Variants in CADM1 observed in about 807,000 individuals in gnomAD.
The protein encoded by CADM1 is TSLC-1.
CADM1 carries 15 observed loss-of-function variants against 53.1 expected under a neutral mutation model. The observed-to-expected ratio is 0.28, with a 90% confidence interval of 0.19 to 0.44. The LOEUF is 0.44. CADM1 is among the 20% of genes least tolerant of loss of function. The pLI, the probability that CADM1 is intolerant of heterozygous loss-of-function variation, is 1.00. For missense variants in CADM1, 434 were observed against 611.3 expected, an observed-to-expected ratio of 0.71 and a Z score of 3.06; for synonymous variants, 281 against 243.0, an observed-to-expected ratio of 1.16 and a Z score of -1.45.
At chr11:115,303,520 G>A (rs1159090167) in intron 1 of CADM1, among the ~76,000 whole-genome samples, 1 of 151,964 alleles carries the variant, frequency 6.6e-6, no homozygotes, top group Non-Finnish European at 1.5e-5. Context: ...TATAGTGTTT[G>A]TTCACATACT....
At chr11:115,404,767 G>A (rs940068573) in intron 1 of CADM1, among the ~76,000 whole-genome samples, 6 of 150,478 alleles carry the variant, frequency 4.0e-5, no homozygotes, top group Non-Finnish European at 8.9e-5. Context: ...CTGAGTTGCG[G>A]GGATCACTTG....
intron 1 of CADM1, among the ~76,000 whole-genome samples, chr11:115,478,353 T>C (rs1361032235): frequency 6.6e-6 from 1 of 152,002 alleles, no homozygotes; most frequent in Non-Finnish European, 1.5e-5. Flanking sequence ...AGAAAATAAC[T>C]GAAAATGTGA....
At chr11:115,336,525 T>C (rs1487828216) in intron 1 of CADM1, among the ~76,000 whole-genome samples, 2 of 152,158 alleles carry the variant, frequency 1.3e-5, no homozygotes, top group Non-Finnish European at 2.9e-5. Context: ...ACTAAAACAC[T>C]TGGTTAATGA....
intron 1 of CADM1, among the ~76,000 whole-genome samples, chr11:115,493,462 G>A (rs773331853): frequency 1.3e-5 from 2 of 152,072 alleles, no homozygotes; most frequent in Non-Finnish European, 2.9e-5. Flanking sequence ...GGCCATTAGA[G>A]AACAAGATCT....
At chr11:115,267,049 T>G (rs1055325777) in intron 1 of CADM1, among the ~76,000 whole-genome samples, 1 of 152,234 alleles carries the variant, frequency 6.6e-6, no homozygotes, top group African/African-American at 2.4e-5. Flanking sequence ...ACTGCAGCAA[T>G]CTTGTTAGGG....
intron 1 of CADM1, among the ~76,000 whole-genome samples, chr11:115,249,510 C>T (rs1009996741): frequency 5.3e-5 from 8 of 152,352 alleles, no homozygotes; most frequent in African/African-American, 1.9e-4. Context: ...CAATATAGAA[C>T]TATCTACATT....
At chr11:115,282,856 T>C (rs1318973070) in intron 1 of CADM1, among the ~76,000 whole-genome samples, 11 of 152,160 alleles carry the variant, frequency 7.2e-5, no homozygotes, top group Non-Finnish European at 1.6e-4. Context: ...TATATTAAAA[T>C]GGAAACGAAA....
In CADM1 at chr11:115,220,571, G is replaced by A. The variant is rs139673751; in HGVS notation, c.722-2580C>T. On this transcript the variant is annotated intron_variant, in intron 5 of 11. Coordinates refer to ENST00000331581, the MANE Select transcript of CADM1 (RefSeq NM_001301043.2). ...GTAATAGCTGGCTGAAAAGGTAAGC[G>A]TTAGTCTTGCCTGCATTATACAGAA... 1.9e-4 allele frequency among the ~76,000 whole-genome samples: 29 copies of A among 152,262 alleles called. No individual in the cohort carries two copies. The East Asian group carries it at 4.4e-3, about 23-fold the overall frequency.
intron 5 of CADM1, among the ~76,000 whole-genome samples, chr11:115,228,505 G>A (rs1188446372): frequency 2.0e-5 from 3 of 152,150 alleles, no homozygotes; most frequent in African/African-American, 7.2e-5. Context: ...ATGGCTTTGT[G>A]CAGAAAAAGA....
chr11:115,215,498 C>T (rs1378792277), intron 6 of CADM1, among the ~76,000 whole-genome samples: 1 of 152,124 alleles, frequency 6.6e-6, no homozygotes, highest in Non-Finnish European at 1.5e-5. Flanking sequence ...TGTGTGTGCA[C>T]CTGCAGCTCC....
At chr11:115,503,161 T>G (rs1949768585) in intron 1 of CADM1, among the ~76,000 whole-genome samples, 1 of 152,060 alleles carries the variant, frequency 6.6e-6, no homozygotes, top group South Asian at 2.1e-4. Context: ...GGAGGCTGGG[T>G]GCAGCACAGC....
rs566736170 is a variant in CADM1 at position 115,290,647 on chromosome 11, C to T, written c.125-50227G>A. Among the ~76,000 whole-genome samples the T allele has an allele frequency of 2.0e-5, 3 of 152,234 alleles. No individual in the cohort carries two copies. The South Asian group carries it at 6.2e-4, about 32-fold the overall frequency. On this transcript the variant is annotated intron_variant, in intron 1 of 11. Transcript: ENST00000331581. ...CCAGCATTTGACAAAATAAAACACA[C>T]ACTGATGGGCTTGAGCTGTTGATGG...
At chr11:115,467,438 A>T (rs922111636) in intron 1 of CADM1, among the ~76,000 whole-genome samples, 3 of 152,226 alleles carry the variant, frequency 2.0e-5, no homozygotes, top group Non-Finnish European at 4.4e-5. Context: ...GGATTAAAGT[A>T]CCAGAACCAG....
chr11:115,335,809 A>G (rs1217193300), intron 1 of CADM1, among the ~76,000 whole-genome samples: 1 of 152,174 alleles, frequency 6.6e-6, no homozygotes, highest in East Asian at 1.9e-4. Context: ...CACCAATATC[A>G]TAAGAAAAGT....
chr11:115,299,644 C>T (rs998020476), intron 1 of CADM1, among the ~76,000 whole-genome samples: 1 of 152,046 alleles, frequency 6.6e-6, no homozygotes, highest in Non-Finnish European at 1.5e-5. Flanking sequence ...TTCTTATATT[C>T]CTGCAGAGTT....
At chr11:115,484,452 C>T (rs1053113302) in intron 1 of CADM1, among the ~76,000 whole-genome samples, 3 of 152,198 alleles carry the variant, frequency 2.0e-5, no homozygotes, top group African/African-American at 7.2e-5. Flanking sequence ...ATGCTTAAGC[C>T]TGCCAAAGCT....
chr11:115,390,227 G>T (rs1946800679), intron 1 of CADM1, among the ~76,000 whole-genome samples: 1 of 152,120 alleles, frequency 6.6e-6, no homozygotes, highest in Non-Finnish European at 1.5e-5. Context: ...ATTAATTTTT[G>T]AGCTAAACAG....
At chr11:115,349,519 C>T (rs11215509) in intron 1 of CADM1, among the ~76,000 whole-genome samples, 49,997 of 152,052 alleles carry the variant, frequency 0.33, 9,176 homozygotes, top group Non-Finnish European at 0.43. Context: ...AAATAACCTC[C>T]ACTGCCTCAG....
At position 115,170,378 on chromosome 11, in the gene CADM1, A is replaced by T. The variant is rs1938749851; in HGVS notation, c.*6096T>A. 6.6e-6 allele frequency: 1 copy of T among 152,240 alleles called. No homozygotes were observed. Among genetic ancestry groups the T allele is most frequent in the South Asian group, 2.1e-4 (1 of 4,832 alleles). The allele number at this position is 152,240 out of a possible 1,614,324, so 9.4% of individuals were successfully genotyped here. A position where few individuals can be genotyped will look rare whatever the true frequency, so the allele number is the denominator to read the frequency against. ...GAATACATTCTGCATTTCAATAGGC[A>T]AGGCTCGAGTTGTATTTCCCAGCAC... On this transcript the variant is annotated 3_prime_UTR_variant, in exon 12 of 12. Transcript: ENST00000331581.
Sources: gnomAD v4.1 joint callset for allele counts (sites outside exome capture counted in the v4.1 genomes callset) on GRCh38, gnomAD v4.1.1 for gene constraint, MANE v1.5 for transcripts, NCBI Gene and HGNC (gene_info 2026-07-23, HGNC 2026-07-21) for gene names.